NRF1: variants seen among roughly 807,000 people sequenced by gnomAD.
NRF1 encodes the protein alpha palindromic-binding protein.
In NRF1, 5 loss-of-function variants were observed where a neutral mutation model predicts 58.5. The ratio of observed to expected loss-of-function variants is 0.09; its 90% CI spans 0.04 to 0.18. NRF1 has a LOEUF of 0.18. Ranked by LOEUF, NRF1 falls within the 10% of genes least tolerant of loss-of-function variation. NRF1 has a pLI of 1.00. For synonymous variants in NRF1, 224 were observed against 246.7 expected (o/e 0.91, Z 0.86); for missense variants, 288 against 657.7 (o/e 0.44, Z 6.15).
At chr7:129,684,604 C>T (rs771262982) in intron 4 of NRF1, among the ~76,000 whole-genome samples, 36 of 152,166 alleles carry the variant, frequency 2.4e-4, no homozygotes, top group Non-Finnish European at 4.3e-4. Flanking sequence ...ATTCCCTAAT[C>T]TTATACCCTA....
At chr7:129,625,675 A>ATTTTTTTTTTTTTT (rs56694598) in intron 1 of NRF1, among the ~76,000 whole-genome samples, 2 of 88,990 alleles carry the variant, frequency 2.2e-5, no homozygotes, top group Non-Finnish European at 2.0e-5. Flanking sequence ...TAATGTTTTA[A>ATTTTTTTTTTTTTT]TTTTTTTTTT....
rs1049888643 is a variant in NRF1, at chr7:129,742,050, G to A, written c.1349-12968G>A. Among the ~76,000 whole-genome samples, 3 of 152,146 alleles carry A rather than the reference G, an allele frequency of 2.0e-5. No homozygotes were observed. In the South Asian group the frequency reaches 6.2e-4, roughly 32 times the overall value. On this transcript the variant is annotated intron_variant, in intron 10 of 10. Transcript: ENST00000393232. The stretch of plus-strand genomic sequence containing the variant: ...TAAGTGGCACCTGCTTCATTCAACA[G>A]ATCTGCTTTCCTGGGGCCTCCCAGT...
Position 129,626,789 on chromosome 7 carries a change from C to T in NRF1, c.-7+14965C>T, listed in dbSNP as rs773407959. 5.9e-5 allele frequency among the ~76,000 whole-genome samples: 9 copies of T among 152,346 alleles called. No individual in the cohort carries two copies. In the South Asian group the frequency reaches 8.3e-4, roughly 14 times the overall value. On this transcript the variant is annotated intron_variant, in intron 1 of 10. Coordinates refer to ENST00000393232, the MANE Select transcript of NRF1 (RefSeq NM_005011.5). ...GTGATCAGGAAATCAGGTACTCCTT[C>T]AGGTAATCAATGGCTGATCACCTTC...
At chr7:129,677,862 C>A (rs1188443450) in intron 4 of NRF1, 104 bp downstream of exon 4, 6 of 1,390,596 alleles carry the variant, frequency 4.3e-6, no homozygotes, top group East Asian at 2.3e-5. Context: ...TCTGTTACCC[C>A]CTAATCCAGG....
At chr7:129,622,724 T>G (rs1800828548) in intron 1 of NRF1, among the ~76,000 whole-genome samples, 1 of 152,056 alleles carries the variant, frequency 6.6e-6, no homozygotes, top group Non-Finnish European at 1.5e-5. Context: ...TGCCCGCCAC[T>G]GTGCCCAGCA....
At chr7:129,654,235 CT>C (rs1801601828) in intron 1 of NRF1, among the ~76,000 whole-genome samples, 1 of 152,206 alleles carries the variant, frequency 6.6e-6, no homozygotes, top group Non-Finnish European at 1.5e-5. Flanking sequence ...TGTTGAGCAT[CT>C]TTTCATATGC....
intron 5 of NRF1, among the ~76,000 whole-genome samples, chr7:129,699,401 T>A (rs2116151551): frequency 6.6e-6 from 1 of 152,212 alleles, no homozygotes; most frequent in Non-Finnish European, 1.5e-5. Context: ...TTTCTAGAGT[T>A]GGCAAAATGA....
chr7:129,613,389 T>C (rs1250305964), intron 1 of NRF1, among the ~76,000 whole-genome samples: 6 of 152,304 alleles, frequency 3.9e-5, no homozygotes, highest in Non-Finnish European at 7.4e-5. Context: ...AGTGAAAATA[T>C]GACTAGTTCT....
chr7:129,626,444 A>C (rs960016024), intron 1 of NRF1, among the ~76,000 whole-genome samples: 1 of 152,318 alleles, frequency 6.6e-6, no homozygotes, highest in Non-Finnish European at 1.5e-5. Flanking sequence ...TTGGCTCATT[A>C]AACTTAGAAT....
chr7:129,731,945 A>G (rs528002528), intron 10 of NRF1, among the ~76,000 whole-genome samples: 51 of 152,064 alleles, frequency 3.4e-4, no homozygotes, highest in Admixed American at 9.2e-4. Flanking sequence ...AGTTATCTCA[A>G]TACTCTTTTC....
chr7:129,656,826 C>G (rs944824530), intron 1 of NRF1, among the ~76,000 whole-genome samples: 5 of 152,204 alleles, frequency 3.3e-5, no homozygotes, highest in Admixed American at 2.6e-4. Flanking sequence ...ATCCACCTGC[C>G]TGGGCCTCCC....
chr7:129,693,246 C>T (rs566901357), intron 5 of NRF1, among the ~76,000 whole-genome samples: 5 of 152,218 alleles, frequency 3.3e-5, no homozygotes, highest in South Asian at 2.1e-4. Context: ...TGGACGCTGA[C>T]GCTGCTGCTC....
intron 1 of NRF1, among the ~76,000 whole-genome samples, chr7:129,622,406 C>A (rs1026297232): frequency 6.6e-6 from 1 of 151,904 alleles, no homozygotes. Context: ...CTTCCAAAAT[C>A]GATTCTAAGT....
intron 1 of NRF1, among the ~76,000 whole-genome samples, chr7:129,629,277 C>CTT (rs35383948): frequency 2.7e-4 from 38 of 142,418 alleles, no homozygotes; most frequent in Non-Finnish European, 3.7e-4. Context: ...AGCACACACG[C>CTT]TTTTTTTTTT....
rs1016536378 is a variant in NRF1 at position 129,755,752 on chromosome 7, C to T, written c.*571C>T. On this transcript the variant is annotated 3_prime_UTR_variant, in exon 11 of 11. Coordinates refer to ENST00000393232, the MANE Select transcript of NRF1 (RefSeq NM_005011.5). This position sits in a 1 kb window ranked among gnomAD's most constrained non-coding sequence, Gnocchi z 5.8. ...TGACCATGCCCTTCACCAAAGCTGC[C>T]TCCCAGTGGCCACACAGAACTCTCC... 2.6e-5 allele frequency: 4 copies of T among 152,890 alleles called. No individual in the cohort carries two copies. The highest frequency in any genetic ancestry group is 9.7e-5 in the African/African-American group (4 of 41,412). 9.5% of individuals were successfully genotyped at this position (152,890 alleles called of 1,614,324 possible). A position where few individuals can be genotyped will look rare whatever the true frequency, so the allele number is the denominator to read the frequency against.
intron 5 of NRF1, among the ~76,000 whole-genome samples, chr7:129,698,076 C>T (rs1351867206): frequency 6.6e-6 from 1 of 152,102 alleles, no homozygotes; most frequent in Non-Finnish European, 1.5e-5. Context: ...CCAAAACTCT[C>T]AAACTTGTCT....
rs1188914980 is a variant in NRF1, at chr7:129,619,482, GTGTGTGTGTA to G, written c.-7+7660_-7+7669del. On this transcript the variant is annotated intron_variant, in intron 1 of 10. Transcript: ENST00000393232. ...CACGTGTGTGTGTGTGTGTGTGTGT[GTGTGTGTGTA>G]TATATATATATATATATATATGTAT... 8.8e-3 allele frequency among the ~76,000 whole-genome samples: 274 copies of G among 31,180 alleles called. 9 individuals are homozygous for G. Among genetic ancestry groups the G allele is most frequent in the South Asian group, 0.013 (7 of 522 alleles). The allele number at this position is 31,180 out of a possible 152,430, so 20.5% of individuals were successfully genotyped here. A position where few individuals can be genotyped will look rare whatever the true frequency, so the allele number is the denominator to read the frequency against.
chr7:129,647,786 T>C (rs1801443519), intron 1 of NRF1, among the ~76,000 whole-genome samples: 1 of 152,266 alleles, frequency 6.6e-6, no homozygotes, highest in African/African-American at 2.4e-5. Context: ...AAAGTTAACC[T>C]ATTGGTATGA....
rs138285823 is a variant in NRF1 at position 129,741,812 on chromosome 7, T to C, written c.1349-13206T>C. Reference sequence around the variant, plus strand: ...CTGGCTCTCAGGTTACCTGTGTAAATACAGGGATTCACTTGCCAGCACCCA... The same window carrying C: ...CTGGCTCTCAGGTTACCTGTGTAAACACAGGGATTCACTTGCCAGCACCCA... On this transcript the variant is annotated intron_variant, in intron 10 of 10. Transcript: ENST00000393232. This position sits in a 1 kb window ranked among gnomAD's most constrained non-coding sequence, Gnocchi z 4.0. Among the ~76,000 whole-genome samples, 39 of 152,278 alleles carry C rather than the reference T, an allele frequency of 2.6e-4. No individual in the cohort carries two copies. The East Asian group carries it at 7.1e-3, about 28-fold the overall frequency.
Sources: allele counts gnomAD v4.1 joint callset (sites outside exome capture counted in the v4.1 genomes callset), GRCh38; gene constraint gnomAD v4.1.1; non-coding constraint Gnocchi (gnomAD v3.1); transcripts MANE v1.5; gene names NCBI Gene and HGNC (gene_info 2026-07-23, HGNC 2026-07-21).